BLTP3B: variants seen among roughly 807,000 people sequenced by gnomAD.
BLTP3B encodes the protein UHRF1 (ICBP90) binding protein 1-like.
the BLTP3B span, chr12:100,072,950 T>C: frequency 1.2e-6 from 1 of 860,306 alleles, no homozygotes; most frequent in East Asian, 3.1e-5. Flanking sequence ...CTTTATTATA[T>C]ATTTAACTTC....
chr12:100,116,281 C>T, the BLTP3B span, among the ~76,000 whole-genome samples: 1 of 150,948 alleles, frequency 6.6e-6, no homozygotes, highest in Admixed American at 6.6e-5. Flanking sequence ...GTAGTGAGAC[C>T]TCATCTGTAC....
At chr12:100,059,801 A>C in the BLTP3B span, 1 of 1,539,990 alleles carries the variant, frequency 6.5e-7, no homozygotes, top group Non-Finnish European at 8.8e-7. Flanking sequence ...CAAATCATAA[A>C]ATAAAAAGAA....
the BLTP3B span, chr12:100,039,738 T>C: frequency 6.2e-7 from 1 of 1,613,324 alleles, no homozygotes; most frequent in South Asian, 1.1e-5. Context: ...CAGCACTGAA[T>C]CGCTTTTGAC....
At chr12:100,109,629 G>A in the BLTP3B span, among the ~76,000 whole-genome samples, 1 of 152,146 alleles carries the variant, frequency 6.6e-6, no homozygotes, top group Non-Finnish European at 1.5e-5. Context: ...AGCTGGGCAT[G>A]TTGGCGCATG....
At chr12:100,140,812 C>A in the BLTP3B span, among the ~76,000 whole-genome samples, 1 of 145,138 alleles carries the variant, frequency 6.9e-6, no homozygotes, top group Non-Finnish European at 1.5e-5. Flanking sequence ...TGTTTTCTAT[C>A]TCATGCAGTA....
the BLTP3B span, among the ~76,000 whole-genome samples, chr12:100,099,752 T>G: frequency 6.7e-6 from 1 of 148,398 alleles, no homozygotes; most frequent in Non-Finnish European, 1.5e-5. Flanking sequence ...GTCTCAAAAT[T>G]AATTAACTAA....
chr12:100,138,535 C>T, the BLTP3B span, among the ~76,000 whole-genome samples: 2 of 152,158 alleles, frequency 1.3e-5, no homozygotes, highest in Non-Finnish European at 2.9e-5. Context: ...AGTAGTATTA[C>T]CCTCCCCTCC....
At chr12:100,115,858 C>T in the BLTP3B span, among the ~76,000 whole-genome samples, 1 of 151,922 alleles carries the variant, frequency 6.6e-6, no homozygotes, top group Non-Finnish European at 1.5e-5. Flanking sequence ...AACCAAAAAC[C>T]AACTAATGCA....
the BLTP3B span, among the ~76,000 whole-genome samples, chr12:100,055,989 T>C: frequency 2.0e-5 from 3 of 152,206 alleles, no homozygotes; most frequent in Non-Finnish European, 4.4e-5. Context: ...ATACAAAGCA[T>C]ATAGAATGGT....
the BLTP3B span, among the ~76,000 whole-genome samples, chr12:100,090,696 T>C: frequency 1.3e-5 from 2 of 152,106 alleles, no homozygotes; most frequent in African/African-American, 2.4e-5. Flanking sequence ...AAGTGAAATA[T>C]AGCTGTAAAA....
At chr12:100,041,612 T>C in the BLTP3B span, among the ~76,000 whole-genome samples, 1 of 151,930 alleles carries the variant, frequency 6.6e-6, no homozygotes, top group African/African-American at 2.4e-5. Context: ...AATTTTTGCA[T>C]TTTTAGTAGA....
At chr12:100,075,493 C>T in the BLTP3B span, among the ~76,000 whole-genome samples, 1 of 152,094 alleles carries the variant, frequency 6.6e-6, no homozygotes, top group African/African-American at 2.4e-5. Flanking sequence ...ACAAGTGAGA[C>T]CTCATTGGAG....
At chr12:100,058,612 T>G in the BLTP3B span, 1 of 1,614,032 alleles carries the variant, frequency 6.2e-7, no homozygotes, top group Non-Finnish European at 8.5e-7. Flanking sequence ...GGGCTCACAC[T>G]TTCAGAAACA....
At chr12:100,121,742 T>C in the BLTP3B span, among the ~76,000 whole-genome samples, 3 of 151,950 alleles carry the variant, frequency 2.0e-5, no homozygotes, top group African/African-American at 7.3e-5. Flanking sequence ...GGCAGGAGAA[T>C]TGCTTGAACC....
the BLTP3B span, chr12:100,069,829 ACAC>A: frequency 3.8e-5 from 20 of 527,072 alleles, 1 homozygote; most frequent in Admixed American, 7.6e-4. Context: ...ATGTAACAAA[ACAC>A]CACCTTTTCC....
the BLTP3B span, among the ~76,000 whole-genome samples, chr12:100,045,004 T>C: frequency 6.6e-6 from 1 of 152,076 alleles, no homozygotes; most frequent in African/African-American, 2.4e-5. Flanking sequence ...TCACAATTAC[T>C]ACAAAGAGAA....
At chr12:100,129,284 G>T in the BLTP3B span, among the ~76,000 whole-genome samples, 1 of 152,028 alleles carries the variant, frequency 6.6e-6, no homozygotes, top group Non-Finnish European at 1.5e-5. Flanking sequence ...TATTCATAGT[G>T]GGGGGAGAAA....
chr12:100,047,963 T>C, the BLTP3B span: 1 of 1,510,448 alleles, frequency 6.6e-7, no homozygotes, highest in Non-Finnish European at 8.8e-7. Context: ...ATTTTCGTGT[T>C]AGAAACTTGT....
chr12:100,120,254 T>TA, the BLTP3B span, among the ~76,000 whole-genome samples: 3 of 152,132 alleles, frequency 2.0e-5, no homozygotes, highest in East Asian at 5.8e-4. Flanking sequence ...CAGGCGCCTG[T>TA]AATCCCAGCT....
Sources: gnomAD v4.1 joint callset for allele counts (sites outside exome capture counted in the v4.1 genomes callset) on GRCh38, gnomAD v4.1.1 for gene constraint, MANE v1.5 for transcripts, NCBI Gene and HGNC (gene_info 2026-07-23, HGNC 2026-07-21) for gene names.